Variants in NBEAL1 observed in about 807,000 individuals in gnomAD.
The protein encoded by NBEAL1 is neurobeachin-like protein 1.
NBEAL1 carries 273 observed loss-of-function variants against 351.3 expected under a neutral mutation model. That is an observed-to-expected ratio of 0.78 (90% CI 0.70 to 0.86). NBEAL1 has a LOEUF of 0.86. Ranked by LOEUF, NBEAL1 falls within the 40% of genes least tolerant of loss-of-function variation. NBEAL1 has a pLI of 0.00. For missense variants in NBEAL1, 2,961 were observed against 3,201.3 expected, an observed-to-expected ratio of 0.92 and a Z score of 1.81; for synonymous variants, 1,050 against 1,086.4, an observed-to-expected ratio of 0.97 and a Z score of 0.66.
At chr2:203,172,959 C>A in intron 41 of NBEAL1, 106 bp downstream of exon 41, 1 of 789,886 alleles carries the variant, frequency 1.3e-6, no homozygotes, top group African/African-American at 1.8e-5. Flanking sequence ...CGTACTACTA[C>A]TTTTGATAAT....
chr2:203,122,208 G>A (rs749803228), intron 18 of NBEAL1, 46 bp from the exon 19 acceptor site: 4 of 1,101,066 alleles, frequency 3.6e-6, no homozygotes, highest in Non-Finnish European at 5.2e-6. Context: ...TTAAATTTAT[G>A]TTTTGTTCTA....
intron 10 of NBEAL1, among the ~76,000 whole-genome samples, chr2:203,094,183 G>C (rs1333296872): frequency 2.0e-5 from 3 of 152,068 alleles, no homozygotes; most frequent in Non-Finnish European, 2.9e-5. Flanking sequence ...TGTATTACTG[G>C]AACTTAAGGT....
intron 15 of NBEAL1, among the ~76,000 whole-genome samples, chr2:203,111,291 A>G (rs1191132246): frequency 6.6e-6 from 1 of 152,200 alleles, no homozygotes; most frequent in Non-Finnish European, 1.5e-5. Flanking sequence ...AGCCTCAGCT[A>G]TAGAGCATGA....
chr2:203,125,833 A>G (rs1048413920), intron 20 of NBEAL1, 127 bp from the exon 21 acceptor site: 2 of 739,048 alleles, frequency 2.7e-6, no homozygotes, highest in Non-Finnish European at 4.2e-6. Context: ...ATTGTACAAT[A>G]GAGCGTTGGA....
chr2:203,136,364 C>A, intron 28 of NBEAL1, 112 bp downstream of exon 28: 1 of 903,646 alleles, frequency 1.1e-6, no homozygotes, highest in Non-Finnish European at 1.6e-6. Context: ...TATTCATGTT[C>A]TAAGTTTCAT....
intron 31 of NBEAL1, among the ~76,000 whole-genome samples, chr2:203,142,847 G>A: frequency 6.6e-6 from 1 of 152,126 alleles, no homozygotes. Flanking sequence ...AAACTAAAAG[G>A]TGGGAAGAGG....
chr2:203,053,503 G>A (rs752083637), intron 4 of NBEAL1, among the ~76,000 whole-genome samples: 8 of 151,560 alleles, frequency 5.3e-5, no homozygotes, highest in Non-Finnish European at 7.4e-5. Flanking sequence ...TTTTGTCGTC[G>A]TCGTTGTTGT....
chr2:203,033,161 T>A (rs1002686915), intron 2 of NBEAL1, among the ~76,000 whole-genome samples: 1 of 151,902 alleles, frequency 6.6e-6, no homozygotes, highest in Non-Finnish European at 1.5e-5. Context: ...CCACCACGCA[T>A]GGCTAATTTT....
At chr2:203,102,688 G>A (rs763484163) in intron 12 of NBEAL1, among the ~76,000 whole-genome samples, 1 of 152,144 alleles carries the variant, frequency 6.6e-6, no homozygotes, top group Admixed American at 6.5e-5. Flanking sequence ...GCTCTTTGAT[G>A]TGCTGCTGGA....
At chr2:203,140,825 G>A (rs530053223) in intron 31 of NBEAL1, among the ~76,000 whole-genome samples, 9 of 152,028 alleles carry the variant, frequency 5.9e-5, no homozygotes, top group Admixed American at 2.0e-4. Context: ...TTCACTTGAC[G>A]CCAGCAGTTT....
chr2:203,171,055 G>A (rs544477697), intron 39 of NBEAL1, among the ~76,000 whole-genome samples: 52 of 151,988 alleles, frequency 3.4e-4, no homozygotes, highest in Middle Eastern at 3.2e-3. Flanking sequence ...TCAAGAGTTC[G>A]AGACCAGCCT....
chr2:203,211,816 A>T lies in NBEAL1; in HGVS notation c.7934+710A>T, dbSNP rs565668930. Reference sequence around the variant, plus strand: ...CATATTTAAGCATGTGTGTGTATAAAATTGTTATGGGGATCTGTTGTCATT... The same window carrying T: ...CATATTTAAGCATGTGTGTGTATAATATTGTTATGGGGATCTGTTGTCATT... On this transcript the variant is annotated intron_variant, in intron 54 of 55. Coordinates refer to ENST00000683969, the MANE Select transcript of NBEAL1 (RefSeq NM_001378026.1). Among the ~76,000 whole-genome samples the T allele has an allele frequency of 3.9e-5, 6 of 152,278 alleles. No homozygotes were observed. The South Asian group carries it at 1.2e-3, about 32-fold the overall frequency.
chr2:203,100,921 G>T (rs1314686952), intron 12 of NBEAL1, among the ~76,000 whole-genome samples: 2 of 152,110 alleles, frequency 1.3e-5, no homozygotes, highest in Non-Finnish European at 2.9e-5. Context: ...TTTACTTGTT[G>T]ATTTGTCTAA....
chr2:203,046,905 T>C (rs970200556), intron 3 of NBEAL1, among the ~76,000 whole-genome samples: 1 of 152,180 alleles, frequency 6.6e-6, no homozygotes. Flanking sequence ...TCGGATGCAG[T>C]GGCTTCTGCC....
At chr2:203,145,926 G>A (rs2106340578) in intron 33 of NBEAL1, among the ~76,000 whole-genome samples, 1 of 148,624 alleles carries the variant, frequency 6.7e-6, no homozygotes, top group Non-Finnish European at 1.5e-5. Flanking sequence ...AAATAATAGA[G>A]AAAATCAATG....
chr2:203,036,274 T>G (rs2061038450), intron 2 of NBEAL1, among the ~76,000 whole-genome samples: 1 of 149,430 alleles, frequency 6.7e-6, no homozygotes, highest in South Asian at 2.1e-4. Flanking sequence ...AGTAAAATGA[T>G]CTAAGCGTTT....
At chr2:203,044,936 T>G (rs894021281) in intron 3 of NBEAL1, among the ~76,000 whole-genome samples, 23 of 152,140 alleles carry the variant, frequency 1.5e-4, no homozygotes, top group African/African-American at 5.1e-4. Flanking sequence ...AGGAACAGAT[T>G]TGTGGAATTT....
At chr2:203,193,673 A>G (rs1023015618) in intron 46 of NBEAL1, 122 bp from the exon 47 acceptor site, 11 of 592,024 alleles carry the variant, frequency 1.9e-5, no homozygotes, top group African/African-American at 9.4e-5. Flanking sequence ...GCCAACACCT[A>G]TAATTGTCAA....
At chr2:203,150,296 C>G (rs2063615393) in intron 34 of NBEAL1, among the ~76,000 whole-genome samples, 1 of 152,060 alleles carries the variant, frequency 6.6e-6, no homozygotes. Context: ...GTTCCATTTC[C>G]TAATGATTAA....
Sources: gnomAD v4.1 joint callset for allele counts (sites outside exome capture counted in the v4.1 genomes callset) on GRCh38, gnomAD v4.1.1 for gene constraint, MANE v1.5 for transcripts, NCBI Gene and HGNC (gene_info 2026-07-23, HGNC 2026-07-21) for gene names.